Variants in FGF9 observed in about 807,000 individuals in gnomAD.
The protein encoded by FGF9 is fibroblast growth factor 9.
FGF9 carries 3 observed loss-of-function variants against 19.9 expected under a neutral mutation model. The ratio of observed to expected loss-of-function variants is 0.15; its 90% CI spans 0.07 to 0.39. FGF9 has a LOEUF of 0.39. Ranked by LOEUF, FGF9 falls within the 10% of genes least tolerant of loss-of-function variation. The pLI, the probability that FGF9 is intolerant of heterozygous loss-of-function variation, is 1.00. For synonymous variants in FGF9, 107 were observed against 106.9 expected (o/e 1.00, Z -0.01); for missense variants, 175 against 256.8 (o/e 0.68, Z 2.18).
chr13:21,692,127 C>A (rs750159250), intron 2 of FGF9, among the ~76,000 whole-genome samples: 4 of 152,128 alleles, frequency 2.6e-5, no homozygotes, highest in Non-Finnish European at 5.9e-5. Flanking sequence ...TGGTACATAG[C>A]GTGATTGTTT....
chr13:21,687,930 C>T (rs887476679), intron 2 of FGF9, among the ~76,000 whole-genome samples: 1 of 152,152 alleles, frequency 6.6e-6, no homozygotes, highest in Non-Finnish European at 1.5e-5. Context: ...AAAGTAAAGA[C>T]ATTCTTGGAG....
rs1872563009 is a variant in FGF9, at chr13:21,702,036, T to C, written c.*601T>C. ...AAATAAAAAAAGTTAAATTTATTTATAGAAATTCCAAAGGCAACATTTTAT... is the reference window on the plus strand; with the variant it reads ...AAATAAAAAAAGTTAAATTTATTTACAGAAATTCCAAAGGCAACATTTTAT... On this transcript the variant is annotated 3_prime_UTR_variant, in exon 3 of 3. Coordinates refer to ENST00000382353, the MANE Select transcript of FGF9 (RefSeq NM_002010.3). 6.6e-6 allele frequency: 1 copy of C among 151,430 alleles called. No individual in the cohort carries two copies. The highest frequency in any genetic ancestry group is 6.6e-5 in the Admixed American group (1 of 15,228). 9.4% of individuals were successfully genotyped at this position (151,430 alleles called of 1,614,324 possible). A position where few individuals can be genotyped will look rare whatever the true frequency, so the allele number is the denominator to read the frequency against.
Position 21,681,027 on chromosome 13 carries a change from AC to A in FGF9, c.278-12del. 6.3e-7 allele frequency: 1 copy of A among 1,590,398 alleles called. No individual in the cohort carries two copies. Among genetic ancestry groups the A allele is most frequent in the African/African-American group, 1.3e-5 (1 of 74,538 alleles). On this transcript the variant is annotated splice_polypyrimidine_tract_variant and intron_variant, in intron 1 of 2. Transcript: ENST00000382353. ...TGATCTGATCTGTCCTCTGCCTTCT[AC>A]CCTTTGTCTACAGGCATTCTGGAAT...
At chr13:21,679,589 A>T (rs1871990846) in intron 1 of FGF9, among the ~76,000 whole-genome samples, 1 of 152,044 alleles carries the variant, frequency 6.6e-6, no homozygotes, top group South Asian at 2.1e-4. Context: ...GGTCTACATA[A>T]AATGTAGCAC....
intron 2 of FGF9, among the ~76,000 whole-genome samples, chr13:21,687,524 G>A (rs1462275037): frequency 6.6e-6 from 1 of 152,202 alleles, no homozygotes; most frequent in Non-Finnish European, 1.5e-5. Context: ...TCATATGAAG[G>A]AAGATGCTCC....
rs1291185437 is a variant in FGF9, at chr13:21,701,517, T to C, written c.*82T>C. ...GCGGTGGGTTCTTATTGATTCGCTG[T>C]GTCATCACATCAGCTCCACTGTTGC... On this transcript the variant is annotated 3_prime_UTR_variant, in exon 3 of 3. Coordinates refer to ENST00000382353, the MANE Select transcript of FGF9 (RefSeq NM_002010.3). 4 of 1,593,138 alleles carry C rather than the reference T, an allele frequency of 2.5e-6. No homozygotes were observed. The highest frequency in any genetic ancestry group is 1.3e-5 in the African/African-American group (1 of 74,550).
Position 21,671,809 on chromosome 13 carries a change from G to A in FGF9, c.-104G>A. On this transcript the variant is annotated 5_prime_UTR_variant, in exon 1 of 3. Transcript: ENST00000382353. Reference sequence around the variant, plus strand: ...GAACCTTTTTTTTCTCTCTCTCTCTGCAACTGCAGTAAGGGAGGGGAGTTG... The same window carrying A: ...GAACCTTTTTTTTCTCTCTCTCTCTACAACTGCAGTAAGGGAGGGGAGTTG... 8.0e-7 allele frequency: 1 copy of A among 1,256,254 alleles called. No individual in the cohort carries two copies. Among genetic ancestry groups the A allele is most frequent in the Non-Finnish European group, 1.2e-6 (1 of 858,362 alleles). The allele number at this position is 1,256,254 out of a possible 1,614,324, so 77.8% of individuals were successfully genotyped here.
Position 21,691,091 on chromosome 13 carries a change from C to G in FGF9, c.381+9946C>G, listed in dbSNP as rs995451580. ...CAGGAACCCAACCCTGTATTTCCCC[C>G]GGGAGCAATGGTTCAGTATTCTAGG... is the stretch of plus-strand genomic sequence containing the variant. On this transcript the variant is annotated intron_variant, in intron 2 of 2. Transcript: ENST00000382353. The surrounding 1 kb of genome is among the most constrained non-coding windows in gnomAD (Gnocchi z 4.2). Among the ~76,000 whole-genome samples the G allele has an allele frequency of 6.6e-6, 1 of 152,130 alleles. No individual in the cohort carries two copies. Among genetic ancestry groups the G allele is most frequent in the Non-Finnish European group, 1.5e-5 (1 of 68,030 alleles).
Position 21,672,045 on chromosome 13 carries a change from C to T in FGF9, c.133C>T (p.Leu45Phe), listed in dbSNP as rs1301192320. 4 of 1,614,120 alleles carry T rather than the reference C, an allele frequency of 2.5e-6. No individual in the cohort carries two copies. Among genetic ancestry groups the T allele is most frequent in the Non-Finnish European group, 3.4e-6 (4 of 1,180,046 alleles). Residue 45 changes from leucine (L) to phenylalanine (F), a missense_variant, in exon 1 of 3, where the codon CTC (leucine) becomes TTC (phenylalanine). By Grantham distance (22) the Leu-to-Phe change is conservative (BLOSUM62 0). Around this residue, in one of 3 missense-constraint regions of FGF9, gnomAD observed 69 missense variants for 73.6 expected, o/e 0.94. Transcript: ENST00000382353. This position sits in a 1 kb window ranked among gnomAD's most constrained non-coding sequence, Gnocchi z 4.2. ...DHLGQSEAGG[L>F]PRGPAVTDLD... ...CCTGGGTCAGTCCGAAGCAGGGGGG[C>T]TCCCCAGGGGACCCGCAGTCACGGA...
chr13:21,696,091 G>A (rs935321152), intron 2 of FGF9, among the ~76,000 whole-genome samples: 1 of 152,128 alleles, frequency 6.6e-6, no homozygotes, highest in Non-Finnish European at 1.5e-5. Flanking sequence ...GCATAATGTT[G>A]CCCATGTGGA....
At chr13:21,675,951 T>C (rs1451288199) in intron 1 of FGF9, among the ~76,000 whole-genome samples, 1 of 150,130 alleles carries the variant, frequency 6.7e-6, no homozygotes, top group African/African-American at 2.5e-5. Flanking sequence ...CCCCTCGGAT[T>C]GGTGGTGTGG....
At chr13:21,688,485 A>G (rs1872211291) in intron 2 of FGF9, among the ~76,000 whole-genome samples, 1 of 152,338 alleles carries the variant, frequency 6.6e-6, no homozygotes, top group East Asian at 1.9e-4. Context: ...GACTGAGTCC[A>G]TACATCGTCC....
At chr13:21,681,018 C>T (rs1309186543) in intron 1 of FGF9, 24 bp from the exon 2 acceptor site, 2 of 1,556,908 alleles carry the variant, frequency 1.3e-6, no homozygotes, top group Non-Finnish European at 8.9e-7. Context: ...GATCTGTCCT[C>T]TGCCTTCTAC....
intron 2 of FGF9, among the ~76,000 whole-genome samples, chr13:21,692,279 CT>C (rs1872310319): frequency 6.6e-6 from 1 of 152,146 alleles, no homozygotes; most frequent in Non-Finnish European, 1.5e-5. Flanking sequence ...TCCTCCCTTC[CT>C]TTTCCCCCCT....
intron 2 of FGF9, among the ~76,000 whole-genome samples, chr13:21,699,238 G>A (rs967374270): frequency 5.3e-5 from 8 of 152,210 alleles, no homozygotes; most frequent in African/African-American, 1.9e-4. Flanking sequence ...TCAGGTGAGA[G>A]TATTCCAGTT....
At chr13:21,692,285 C>T (rs1277832171) in intron 2 of FGF9, among the ~76,000 whole-genome samples, 3 of 152,038 alleles carry the variant, frequency 2.0e-5, no homozygotes, top group Admixed American at 1.3e-4. Context: ...CTTCCTTTTC[C>T]CCCCTTCTTT....
At chr13:21,687,015 C>T (rs1872178143) in intron 2 of FGF9, among the ~76,000 whole-genome samples, 1 of 152,216 alleles carries the variant, frequency 6.6e-6, no homozygotes, top group Non-Finnish European at 1.5e-5. Flanking sequence ...ACAGGTGCTT[C>T]TTAAAACAGG....
At chr13:21,674,582 A>T (rs949219889) in intron 1 of FGF9, among the ~76,000 whole-genome samples, 1 of 151,706 alleles carries the variant, frequency 6.6e-6, no homozygotes, top group Non-Finnish European at 1.5e-5. Context: ...TATTGTGTGG[A>T]TCAGCCGAGC....
At chr13:21,684,789 C>T (rs1183628857) in intron 2 of FGF9, among the ~76,000 whole-genome samples, 1 of 152,208 alleles carries the variant, frequency 6.6e-6, no homozygotes, top group Non-Finnish European at 1.5e-5. Flanking sequence ...ATTTCTCAGC[C>T]TTCTTTCTCA....
Sources: gnomAD v4.1 joint callset for allele counts (sites outside exome capture counted in the v4.1 genomes callset) on GRCh38, gnomAD v4.1.1 for gene constraint, gnomAD v4.1.1 regional missense constraint, Gnocchi (gnomAD v3.1) non-coding constraint, MANE v1.5 for transcripts, NCBI Gene and HGNC (gene_info 2026-07-23, HGNC 2026-07-21) for gene names.